Variants in DNAAF5 observed in about 807,000 individuals in gnomAD.
DNAAF5 encodes dynein axonemal assembly factor 5.
A neutral mutation model predicts 75.8 loss-of-function variants in DNAAF5; 64 were observed. That is an observed-to-expected ratio of 0.84 (90% CI 0.69 to 1.04). The LOEUF (loss-of-function observed/expected upper bound fraction) is 1.04. Ranked by LOEUF, DNAAF5 falls within the 50% of genes least tolerant of loss-of-function variation. The pLI is 0.00. For missense variants in DNAAF5, 1,269 were observed against 1,178.5 expected (o/e 1.08, Z -1.12); for synonymous variants, 657 against 557.2 (o/e 1.18, Z -2.52).
intron 8 of DNAAF5, among the ~76,000 whole-genome samples, chr7:769,900 G>A (rs1778495417): frequency 6.6e-6 from 1 of 152,070 alleles, no homozygotes; most frequent in African/African-American, 2.4e-5. Flanking sequence ...ACCCATCTTG[G>A]CTTTCCAAAG....
At chr7:737,130 C>G (rs917104399) in intron 2 of DNAAF5, among the ~76,000 whole-genome samples, 2 of 152,068 alleles carry the variant, frequency 1.3e-5, no homozygotes, top group Admixed American at 1.3e-4. Flanking sequence ...GAGTCTCACT[C>G]TGTCACCCAG....
intron 12 of DNAAF5, among the ~76,000 whole-genome samples, chr7:784,720 C>G (rs550718423): frequency 6.6e-6 from 1 of 152,336 alleles, no homozygotes; most frequent in Non-Finnish European, 1.5e-5. Context: ...GGTTTGCAGT[C>G]ACTGCGGCAG....
intron 2 of DNAAF5, among the ~76,000 whole-genome samples, chr7:734,703 G>A (rs945067781): frequency 2.6e-5 from 4 of 152,100 alleles, no homozygotes; most frequent in East Asian, 1.9e-4. Flanking sequence ...ATTGCGACCC[G>A]GGCTTTTCTT....
intron 12 of DNAAF5, among the ~76,000 whole-genome samples, chr7:785,235 G>T (rs1779109468): frequency 6.7e-6 from 1 of 148,406 alleles, no homozygotes. Context: ...TCCCCATCCA[G>T]CAGCGTCAGG....
chr7:747,116 G>A (rs1782141003), intron 4 of DNAAF5, among the ~76,000 whole-genome samples: 1 of 152,230 alleles, frequency 6.6e-6, no homozygotes, highest in Non-Finnish European at 1.5e-5. Context: ...TTTTGTGAGA[G>A]TGTTTTATTG....
intron 1 of DNAAF5, 74 bp downstream of exon 1, chr7:727,389 C>T: frequency 1.2e-6 from 1 of 860,362 alleles, no homozygotes; most frequent in Non-Finnish European, 1.5e-6. Flanking sequence ...CGGCCCCTCT[C>T]ACAACCCCCG....
At chr7:777,273 T>C (rs1383502699) in intron 11 of DNAAF5, among the ~76,000 whole-genome samples, 3 of 151,814 alleles carry the variant, frequency 2.0e-5, no homozygotes, top group Non-Finnish European at 2.9e-5. Flanking sequence ...GCCAAAAAGG[T>C]TGGGGACTGC....
At chr7:762,103 G>C (rs1782672512) in intron 7 of DNAAF5, among the ~76,000 whole-genome samples, 1 of 152,162 alleles carries the variant, frequency 6.6e-6, no homozygotes, top group African/African-American at 2.4e-5. Context: ...AGGGAGTGGA[G>C]ACAGCTGTTT....
chr7:769,068 C>T (rs1230762004), intron 8 of DNAAF5: 8 of 693,252 alleles, frequency 1.2e-5, no homozygotes, highest in Non-Finnish European at 1.6e-5. Context: ...GACTTCGAGC[C>T]AGAGCAGCGA....
intron 1 of DNAAF5, among the ~76,000 whole-genome samples, chr7:728,232 C>T (rs1781430545): frequency 6.6e-6 from 1 of 152,222 alleles, no homozygotes; most frequent in Admixed American, 6.5e-5. Flanking sequence ...CAGGCGCCTG[C>T]TTCCTGCTGG....
At position 761,805 on chromosome 7, in the gene DNAAF5, G is replaced by A; in HGVS notation, c.1523G>A (p.Cys508Tyr). Reference sequence around the variant, plus strand: ...TGTGTGCAGGCTCTGGTGTCTGTGTGTCATGAGGACTGTGGCGTGGCCAGC... The same window carrying A: ...TGTGTGCAGGCTCTGGTGTCTGTGTATCATGAGGACTGTGGCGTGGCCAGC... ...LLCVQALVSV[C>Y]HEDCGVASLQ... Residue 508 changes from cysteine to tyrosine, a missense_variant, in exon 7 of 13, where the codon TGT becomes TAT. Cys to Tyr is a radical substitution (Grantham distance 194). Coordinates refer to ENST00000297440, the MANE Select transcript of DNAAF5 (RefSeq NM_017802.4). The A allele has an allele frequency of 1.2e-6, 2 of 1,609,326 alleles. No homozygotes were observed. The highest frequency in any genetic ancestry group is 1.7e-6 in the Non-Finnish European group (2 of 1,177,936).
At chr7:776,585 C>T (rs1451944651) in intron 11 of DNAAF5, among the ~76,000 whole-genome samples, 2 of 152,170 alleles carry the variant, frequency 1.3e-5, no homozygotes, top group Non-Finnish European at 2.9e-5. Context: ...TGCAGCAGGA[C>T]CAGGGGCACA....
chr7:732,141 C>A (rs563149422), intron 2 of DNAAF5, among the ~76,000 whole-genome samples: 1 of 152,228 alleles, frequency 6.6e-6, no homozygotes, highest in Non-Finnish European at 1.5e-5. Flanking sequence ...AGCCTCAGAG[C>A]AAGGTCAGGA....
intron 6 of DNAAF5, 55 bp downstream of exon 6, chr7:757,049 C>A: frequency 6.7e-7 from 1 of 1,495,730 alleles, no homozygotes; most frequent in Non-Finnish European, 9.0e-7. Flanking sequence ...CCTGCCCGGC[C>A]GTCAGCCATC....
chr7:785,061 G>T (rs570844222), intron 12 of DNAAF5, among the ~76,000 whole-genome samples: 1 of 151,730 alleles, frequency 6.6e-6, no homozygotes, highest in African/African-American at 2.4e-5. Context: ...TTATATCCAC[G>T]TTATGACTAC....
At chr7:762,370 C>G (rs2128080582) in intron 7 of DNAAF5, among the ~76,000 whole-genome samples, 1 of 152,000 alleles carries the variant, frequency 6.6e-6, no homozygotes, top group East Asian at 2.0e-4. Context: ...GCCTGTAGTC[C>G]CAGCTACTCA....
intron 2 of DNAAF5, among the ~76,000 whole-genome samples, chr7:730,595 A>G (rs1781532584): frequency 6.6e-6 from 1 of 152,178 alleles, no homozygotes; most frequent in African/African-American, 2.4e-5. Context: ...TTCTGGGGCC[A>G]GGATGGAAGC....
intron 11 of DNAAF5, among the ~76,000 whole-genome samples, chr7:776,301 A>C (rs1197436751): frequency 6.6e-6 from 1 of 152,016 alleles, no homozygotes. Flanking sequence ...GCACCATTGC[A>C]CTCCAGCCTG....
rs762597761 is a variant in DNAAF5, at chr7:774,029, C to T, written c.1932-19C>T. The T allele has an allele frequency of 3.6e-5, 58 of 1,614,074 alleles. No individual in the cohort carries two copies. The highest frequency in any genetic ancestry group is 1.6e-4 in the Middle Eastern group (1 of 6,062). ...CACCTGTCCGGTCTCCTCATCCACCCTCTCCGTTCCGGTTCCAGGCAGTTT... is the reference window on the plus strand; with the variant it reads ...CACCTGTCCGGTCTCCTCATCCACCTTCTCCGTTCCGGTTCCAGGCAGTTT... On this transcript the variant is annotated intron_variant, in intron 9 of 12. Coordinates refer to ENST00000297440, the MANE Select transcript of DNAAF5 (RefSeq NM_017802.4).
Sources: gnomAD v4.1 joint callset for allele counts (sites outside exome capture counted in the v4.1 genomes callset) on GRCh38, gnomAD v4.1.1 for gene constraint, MANE v1.5 for transcripts, NCBI Gene and HGNC (gene_info 2026-07-23, HGNC 2026-07-21) for gene names.